The following SNX18 variants were observed in gnomAD, a reference collection of about 807,000 sequenced individuals.
The protein encoded by SNX18 is sorting nexin-18.
SNX18 carries 35 observed loss-of-function variants against 48.7 expected under a neutral mutation model. The observed-to-expected ratio is 0.72, with a 90% CI of 0.55 to 0.95. The LOEUF is 0.95. Ranked by LOEUF, SNX18 falls within the 40% of genes least tolerant of loss-of-function variation. SNX18 has a pLI of 0.00. For missense variants in SNX18, 824 were observed against 871.0 expected (o/e 0.95, Z 0.68); for synonymous variants, 492 against 384.7 (o/e 1.28, Z -3.26).
At chr5:54,618,631 C>T in the SNX18 span, among the ~76,000 whole-genome samples, 1 of 152,106 alleles carries the variant, frequency 6.6e-6, no homozygotes, top group Non-Finnish European at 1.5e-5. Flanking sequence ...TGCAGTTTTC[C>T]TTTGGAGTAG....
chr5:54,604,612 G>A, the SNX18 span, among the ~76,000 whole-genome samples: 1 of 152,302 alleles, frequency 6.6e-6, no homozygotes, highest in South Asian at 2.1e-4. Context: ...GGGGCTGGGA[G>A]AAGCAGGTAA....
chr5:54,566,290 C>A, the SNX18 span, among the ~76,000 whole-genome samples: 1 of 152,190 alleles, frequency 6.6e-6, no homozygotes, highest in Non-Finnish European at 1.5e-5. Flanking sequence ...ATAGAATGGA[C>A]AAGTTGTTGA....
the SNX18 span, among the ~76,000 whole-genome samples, chr5:54,604,268 A>G: frequency 6.6e-6 from 1 of 152,224 alleles, no homozygotes; most frequent in Non-Finnish European, 1.5e-5. Context: ...ACTAGGTATA[A>G]CACCTAAAGA....
the SNX18 span, among the ~76,000 whole-genome samples, chr5:54,598,711 T>A: frequency 6.6e-6 from 1 of 152,118 alleles, no homozygotes; most frequent in Non-Finnish European, 1.5e-5. Context: ...CTCAATAAAC[T>A]AGGTATTGAA....
At chr5:54,533,431 T>G (rs1219807566) in intron 1 of SNX18, among the ~76,000 whole-genome samples, 1 of 152,150 alleles carries the variant, frequency 6.6e-6, no homozygotes, top group Non-Finnish European at 1.5e-5. Flanking sequence ...ATCCCTATGT[T>G]GGTGGCATAG....
chr5:54,538,470 C>T (rs1194350897), intron 1 of SNX18, among the ~76,000 whole-genome samples: 1 of 152,118 alleles, frequency 6.6e-6, no homozygotes, highest in Non-Finnish European at 1.5e-5. Flanking sequence ...CTAGTCAGAA[C>T]TAGTCAATTG....
chr5:54,643,769 C>T, the SNX18 span: 1 of 152,208 alleles, frequency 6.6e-6, no homozygotes, highest in East Asian at 1.9e-4. Context: ...TCAGAGGGCA[C>T]CCTGCCTGTG....
the SNX18 span, among the ~76,000 whole-genome samples, chr5:54,571,714 C>G: frequency 6.6e-6 from 1 of 152,190 alleles, no homozygotes; most frequent in South Asian, 2.1e-4. Context: ...ATTCTTTCTG[C>G]CACTCCCTGA....
chr5:54,622,743 C>T, the SNX18 span, among the ~76,000 whole-genome samples: 1 of 151,654 alleles, frequency 6.6e-6, no homozygotes, highest in Non-Finnish European at 1.5e-5. Context: ...CTATTTACAT[C>T]TATTAATTTA....
intron 1 of SNX18, among the ~76,000 whole-genome samples, chr5:54,527,383 A>G (rs1202901099): frequency 6.6e-6 from 1 of 151,590 alleles, no homozygotes; most frequent in Non-Finnish European, 1.5e-5. Context: ...CCCTCCAGCT[A>G]TATTTTGGAG....
the SNX18 span, among the ~76,000 whole-genome samples, chr5:54,568,418 G>T: frequency 6.6e-6 from 1 of 152,206 alleles, no homozygotes; most frequent in Non-Finnish European, 1.5e-5. Context: ...TCCCTGCCAG[G>T]CAAGGATGCA....
At chr5:54,640,965 T>C in the SNX18 span, among the ~76,000 whole-genome samples, 3 of 152,162 alleles carry the variant, frequency 2.0e-5, no homozygotes, top group South Asian at 4.2e-4. Flanking sequence ...GAAGCTAACA[T>C]AGGAGAACTG....
rs966839794 is a variant in SNX18 at position 54,545,532 on chromosome 5, AG to A, written c.*2101del. 6 of 152,172 alleles carry A rather than the reference AG, an allele frequency of 3.9e-5. No individual in the cohort carries two copies. Among genetic ancestry groups the A allele is most frequent in the African/African-American group, 1.4e-4 (6 of 41,432 alleles). 9.4% of individuals were successfully genotyped at this position (152,172 alleles called of 1,614,324 possible). ...ACATAGCTTAAATTATAAAAACTAA[AG>A]ATGAAAGTACAAGGAAGTATAAGTT... On this transcript the variant is annotated 3_prime_UTR_variant, in exon 2 of 2. Coordinates refer to ENST00000381410, the MANE Select transcript of SNX18 (RefSeq NM_001102575.2).
At chr5:54,568,467 A>C in the SNX18 span, among the ~76,000 whole-genome samples, 124,044 of 152,112 alleles carry the variant, frequency 0.82, 50,736 homozygotes, top group Middle Eastern at 0.84. Context: ...CCTCAATGGG[A>C]ACCCCTACTT....
At position 54,519,321 on chromosome 5, in the gene SNX18, G is replaced by C. The variant is rs1264729931; in HGVS notation, c.1369G>C (p.Val457Leu). ...HTANEFARKQ[V>L]TGFKKEYQKV... is the part of the protein sequence containing the mutation. ...GGCCAACGAGTTCGCGCGCAAGCAG[G>C]TGACCGGCTTCAAAAAGGAGTATCA... The change falls in exon 1 of 2, where the codon GTG becomes CTG. Residue 457 changes from valine to leucine, a missense_variant. Val to Leu is a conservative substitution (Grantham distance 32). Transcript: ENST00000381410. 2 of 1,613,836 alleles carry C rather than the reference G, an allele frequency of 1.2e-6. No homozygotes were observed. Among genetic ancestry groups the C allele is most frequent in the Admixed American group, 3.3e-5 (2 of 60,004 alleles).
the SNX18 span, among the ~76,000 whole-genome samples, chr5:54,633,062 C>T: frequency 9.2e-5 from 14 of 152,192 alleles, no homozygotes; most frequent in African/African-American, 2.9e-4. Flanking sequence ...TGAGCCACTG[C>T]GCCCGGCCCA....
chr5:54,619,256 A>C, the SNX18 span, among the ~76,000 whole-genome samples: 3 of 152,208 alleles, frequency 2.0e-5, no homozygotes, highest in Non-Finnish European at 4.4e-5. Flanking sequence ...CACGCCTATA[A>C]TCCCAGCACT....
the SNX18 span, among the ~76,000 whole-genome samples, chr5:54,552,559 G>C: frequency 6.6e-6 from 1 of 152,214 alleles, no homozygotes; most frequent in African/African-American, 2.4e-5. Context: ...CTGTGAGAAA[G>C]GTAGTCACCC....
At chr5:54,553,652 G>T in the SNX18 span, among the ~76,000 whole-genome samples, 6 of 152,114 alleles carry the variant, frequency 3.9e-5, no homozygotes, top group Non-Finnish European at 8.8e-5. Flanking sequence ...CTGCTGTCCC[G>T]AGATGTAACA....
Sources: allele counts gnomAD v4.1 joint callset (sites outside exome capture counted in the v4.1 genomes callset), GRCh38; gene constraint gnomAD v4.1.1; transcripts MANE v1.5; gene names NCBI Gene and HGNC (gene_info 2026-07-23, HGNC 2026-07-21).